Variants in COL4A6 observed in about 807,000 individuals in gnomAD.
COL4A6 encodes the protein collagen type IV alpha 6 chain.
A neutral mutation model predicts 126.7 loss-of-function variants in COL4A6; 59 were observed. The ratio of observed to expected loss-of-function variants is 0.47; its 90% CI spans 0.38 to 0.58. The LOEUF is 0.58. Ranked by LOEUF, COL4A6 falls within the 20% of genes least tolerant of loss-of-function variation. The pLI, the probability that COL4A6 is intolerant of heterozygous loss-of-function variation, is 0.00. For synonymous variants in COL4A6, 547 were observed against 496.6 expected, an observed-to-expected ratio of 1.10 and a Z score of -1.35; for missense variants, 1,285 against 1,337.3, an observed-to-expected ratio of 0.96 and a Z score of 0.61.
chrX:108,324,439 G>A (rs2039103989), intron 2 of COL4A6, among the ~76,000 whole-genome samples: 1 of 111,871 alleles, frequency 8.9e-6, no homozygotes, highest in South Asian at 3.7e-4. Flanking sequence ...TTTTTCTTCT[G>A]TTAGTAAGAA....
At chrX:108,336,897 A>T (rs1441688299) in intron 2 of COL4A6, among the ~76,000 whole-genome samples, 6 of 110,156 alleles carry the variant, frequency 5.4e-5, no homozygotes, top group Non-Finnish European at 9.5e-5. Flanking sequence ...TCTTTACCCT[A>T]ACTCCTACTT....
chrX:108,420,623 G>C (rs1173858704), intron 2 of COL4A6, among the ~76,000 whole-genome samples: 1 of 111,784 alleles, frequency 8.9e-6, no homozygotes, highest in Non-Finnish European at 1.9e-5. Flanking sequence ...ATTCTATTAT[G>C]AATATGAACA....
At chrX:108,211,802 T>G in intron 6 of COL4A6, 62 bp from the exon 7 acceptor site, 1 of 1,038,415 alleles carries the variant, frequency 9.6e-7, no homozygotes, top group Non-Finnish European at 1.3e-6. Context: ...TTAATTGCAT[T>G]ATCTGATCAG....
intron 3 of COL4A6, among the ~76,000 whole-genome samples, chrX:108,298,106 T>C (rs187829079): frequency 2.7e-3 from 305 of 112,278 alleles, no homozygotes; most frequent in Admixed American, 4.8e-3. Context: ...ACTAGATGAT[T>C]GCCCTTCTGG....
At chrX:108,240,533 T>C (rs2036546323) in intron 3 of COL4A6, among the ~76,000 whole-genome samples, 1 of 112,269 alleles carries the variant, frequency 8.9e-6, no homozygotes, top group Non-Finnish European at 1.9e-5. Flanking sequence ...ATTTCTATTA[T>C]CATATTCAGA....
chrX:108,428,339 T>G (rs1028243626), intron 2 of COL4A6, among the ~76,000 whole-genome samples: 4 of 112,135 alleles, frequency 3.6e-5, no homozygotes, highest in African/African-American at 1.3e-4. Context: ...GATATCTCCC[T>G]TTCTCTCATC....
chrX:108,383,662 G>A (rs756219916), intron 2 of COL4A6: 54 of 510,351 alleles, frequency 1.1e-4, no homozygotes, highest in East Asian at 4.9e-4. Flanking sequence ...AACCAGTGCC[G>A]TTGAACAAAT....
chrX:108,202,915 TAGAG>T lies in COL4A6; in HGVS notation c.834+9_834+12del, dbSNP rs1416380919. 8.3e-6 allele frequency: 10 copies of T among 1,200,269 alleles called. No homozygotes were observed. The South Asian group carries it at 1.1e-4, about 13-fold the overall frequency. Reference sequence around the variant, plus strand: ...GACCCTTGTATACATATTGATCAAATAGAGAGACTTACCGGGAAGCCTGGAGGGC... The same window carrying T: ...GACCCTTGTATACATATTGATCAAATAGACTTACCGGGAAGCCTGGAGGGC... On this transcript the variant is annotated intron_variant, in intron 13 of 44. Coordinates refer to ENST00000334504, the MANE Select transcript of COL4A6 (RefSeq NM_033641.4).
intron 2 of COL4A6, among the ~76,000 whole-genome samples, chrX:108,418,151 C>T (rs1362600970): frequency 8.9e-6 from 1 of 111,739 alleles, no homozygotes; most frequent in Admixed American, 9.5e-5. Context: ...TTTGACATAA[C>T]GAATAGGTGT....
At chrX:108,331,431 C>T (rs191913753) in intron 2 of COL4A6, among the ~76,000 whole-genome samples, 1 of 111,980 alleles carries the variant, frequency 8.9e-6, no homozygotes, top group East Asian at 2.8e-4. Flanking sequence ...AAAACATGTG[C>T]AGTGTTACAG....
chrX:108,269,028 C>T (rs760828704), intron 3 of COL4A6: 4 of 325,436 alleles, frequency 1.2e-5, no homozygotes, highest in Non-Finnish European at 2.4e-5. Flanking sequence ...GGAAAGAGAA[C>T]ATCAGAACTC....
intron 2 of COL4A6, among the ~76,000 whole-genome samples, chrX:108,313,161 G>GT (rs1418811284): frequency 8.9e-6 from 1 of 112,046 alleles, no homozygotes; most frequent in Non-Finnish European, 1.9e-5. Flanking sequence ...GGTGGGAGGA[G>GT]TGAAGGCAGG....
At chrX:108,160,011 T>C (rs1301910144) in intron 43 of COL4A6, 2 of 429,504 alleles carry the variant, frequency 4.7e-6, no homozygotes, top group Non-Finnish European at 8.3e-6. Context: ...CAGCGTTTAA[T>C]AGACTGAGTC....
chrX:108,307,818 C>T (rs944957954), intron 3 of COL4A6, among the ~76,000 whole-genome samples: 1 of 111,636 alleles, frequency 9.0e-6, no homozygotes. Flanking sequence ...CCAATTTAAA[C>T]AATTCTGCTT....
chrX:108,176,280 G>A lies in COL4A6; in HGVS notation c.2687-483C>T, dbSNP rs369845101. ...GCAGAGGTTGCAGTGAGCTGAGATCGTGCCACTTCACTCGAAAGAGCAAAA... is the reference window on the plus strand; with the variant it reads ...GCAGAGGTTGCAGTGAGCTGAGATCATGCCACTTCACTCGAAAGAGCAAAA... On this transcript the variant is annotated intron_variant, in intron 28 of 44. Coordinates refer to ENST00000334504, the MANE Select transcript of COL4A6 (RefSeq NM_033641.4). Among the ~76,000 whole-genome samples, 84 of 100,355 alleles carry A rather than the reference G, an allele frequency of 8.4e-4. 1 individual carries two copies. In the South Asian group the frequency reaches 0.033, roughly 39 times the overall value. The allele number at this position is 100,355 out of a possible 115,157, so 87.1% of individuals were successfully genotyped here.
chrX:108,276,044 A>T (rs2037592639), intron 3 of COL4A6, among the ~76,000 whole-genome samples: 1 of 112,964 alleles, frequency 8.9e-6, no homozygotes, highest in South Asian at 3.7e-4. Flanking sequence ...AATGTATACA[A>T]ATGTTAGTTC....
At chrX:108,187,821 C>A (rs993566629) in intron 22 of COL4A6, 27 bp downstream of exon 22, 1 of 1,176,565 alleles carries the variant, frequency 8.5e-7, no homozygotes, top group Admixed American at 2.2e-5. Context: ...ATCTGTAGAG[C>A]TAATCACCTA....
At chrX:108,253,949 A>T (rs1238711365) in intron 3 of COL4A6, among the ~76,000 whole-genome samples, 2 of 111,754 alleles carry the variant, frequency 1.8e-5, no homozygotes, top group Non-Finnish European at 3.8e-5. Context: ...GTGCAAGTTT[A>T]CAGAATTGTT....
Position 108,409,771 on chromosome X carries a change from T to C in COL4A6, c.63+28171A>G, listed in dbSNP as rs1409708154. On this transcript the variant is annotated intron_variant, in intron 2 of 44. Coordinates refer to ENST00000334504, the MANE Select transcript of COL4A6 (RefSeq NM_033641.4). The stretch of plus-strand genomic sequence containing the variant: ...ATGGGTTGGATGACGAATGTCTTGC[T>C]GAAAGCTATGCCCCTCTGTAGGACA... Among the ~76,000 whole-genome samples, 3 of 112,348 alleles carry C rather than the reference T, an allele frequency of 2.7e-5. No individual in the cohort carries two copies. In the Admixed American group the frequency reaches 2.8e-4, roughly 11 times the overall value.
Sources: gnomAD v4.1 joint callset for allele counts (sites outside exome capture counted in the v4.1 genomes callset) on GRCh38, gnomAD v4.1.1 for gene constraint, MANE v1.5 for transcripts, NCBI Gene and HGNC (gene_info 2026-07-23, HGNC 2026-07-21) for gene names.